Variants in CLP1 observed in about 807,000 individuals in gnomAD.
CLP1 encodes the protein polyribonucleotide 5'-hydroxyl-kinase Clp1.
Under a neutral mutation model 29.9 loss-of-function variants are expected in CLP1, and 18 were observed. That is an observed-to-expected ratio of 0.60 (90% CI 0.42 to 0.89). The LOEUF (loss-of-function observed/expected upper bound fraction) is 0.89, where lower values mean the gene tolerates loss of function less well. Ranked by LOEUF, CLP1 falls within the 40% of genes least tolerant of loss-of-function variation. CLP1 has a pLI of 0.00. For missense variants in CLP1, 357 were observed against 544.8 expected (o/e 0.66, Z 3.43); for synonymous variants, 162 against 206.2 (o/e 0.79, Z 1.84).
intron 1 of CLP1, among the ~76,000 whole-genome samples, chr11:57,659,064 T>A (rs1471963019): frequency 6.6e-6 from 1 of 151,532 alleles, no homozygotes; most frequent in East Asian, 1.9e-4. Flanking sequence ...CCTAAGCCAC[T>A]GTGCCTGGCC....
At position 57,661,737 on chromosome 11, in the gene CLP1, C is replaced by T. The variant is rs1945879187; in HGVS notation, c.*301C>T. The stretch of plus-strand genomic sequence containing the variant: ...TGCTACTATGTGGTTTTTAAAAAAT[C>T]AATGCTTTATATTCCATATGTGGTT... On this transcript the variant is annotated 3_prime_UTR_variant, in exon 3 of 3. Transcript: ENST00000533682. 1 of 323,296 alleles carries T rather than the reference C, an allele frequency of 3.1e-6. No individual in the cohort carries two copies. Among genetic ancestry groups the T allele is most frequent in the East Asian group, 4.8e-5 (1 of 20,984 alleles). 20.0% of individuals were successfully genotyped at this position (323,296 alleles called of 1,614,324 possible).
In CLP1 at chr11:57,661,664, G is replaced by T. The variant is rs1222289700; in HGVS notation, c.*228G>T. The T allele has an allele frequency of 3.8e-6, 2 of 527,166 alleles. No individual in the cohort carries two copies. Among genetic ancestry groups the T allele is most frequent in the Admixed American group, 3.6e-5 (1 of 27,892 alleles). The allele number at this position is 527,166 out of a possible 1,614,324, so 32.7% of individuals were successfully genotyped here. On this transcript the variant is annotated 3_prime_UTR_variant, in exon 3 of 3. Transcript: ENST00000533682. ...ATTGGTTTCTTAGACCACCTAAGAT[G>T]CCACTTTGAATTCTCTAAGACCCTG...
At position 57,657,789 on chromosome 11, in the gene CLP1, C is replaced by G. The variant is rs539087074; in HGVS notation, c.-94C>G. The G allele has an allele frequency of 1.3e-5, 2 of 152,680 alleles. No homozygotes were observed. Among genetic ancestry groups the G allele is most frequent in the Admixed American group, 6.5e-5 (1 of 15,352 alleles). 9.5% of individuals were successfully genotyped at this position (152,680 alleles called of 1,614,324 possible). A position where few individuals can be genotyped will look rare whatever the true frequency, so the allele number is the denominator to read the frequency against. On this transcript the variant is annotated 5_prime_UTR_variant, in exon 1 of 3. Coordinates refer to ENST00000533682, the MANE Select transcript of CLP1 (RefSeq NM_006831.3). ...TTCCGGCGTGGGTCCGGGCAAGAAC[C>G]GCTTGTAGTTTGGTTTAAATTCTGC...
rs768517900 is a variant in CLP1 at position 57,661,370 on chromosome 11, A to G, written c.1212A>G (p.Pro404=). The G allele has an allele frequency of 1.2e-6, 2 of 1,614,138 alleles. No homozygotes were observed. Among genetic ancestry groups the G allele is most frequent in the South Asian group, 1.1e-5 (1 of 91,072 alleles). Residue 404 remains proline (P), a synonymous_variant, in exon 3 of 3, where the codon CCA becomes CCG. Transcript: ENST00000533682. ...LEHQVFTVLS[P]APRPLPKNFL... is the part of the protein sequence containing the mutation. ...ATCAGGTGTTTACTGTTCTGTCTCC[A>G]GCCCCTCGCCCACTGCCTAAGAACT...
At position 57,661,395 on chromosome 11, in the gene CLP1, T is replaced by A. The variant is rs770307032; in HGVS notation, c.1237T>A (p.Phe413Ile). 1 of 1,613,640 alleles carries A rather than the reference T, an allele frequency of 6.2e-7. No homozygotes were observed. The highest frequency in any genetic ancestry group is 8.5e-7 in the Non-Finnish European group (1 of 1,179,792). Reference sequence around the variant, plus strand: ...AGCCCCTCGCCCACTGCCTAAGAACTTCCTTCTCATCATGGATATCCGGTT... The same window carrying A: ...AGCCCCTCGCCCACTGCCTAAGAACATCCTTCTCATCATGGATATCCGGTT... ...SPAPRPLPKNFLLIMDIRFMD... is the reference protein window; with the variant it reads ...SPAPRPLPKNILLIMDIRFMD... Residue 413 changes from phenylalanine to isoleucine, a missense_variant, in exon 3 of 3, where the codon TTC becomes ATC. Coordinates refer to ENST00000533682, the MANE Select transcript of CLP1 (RefSeq NM_006831.3).
Position 57,659,981 on chromosome 11 carries a change from G to C in CLP1, c.505G>C (p.Glu169Gln). ...IPGTMGALYI[E>Q]RPADVEEGFS... is the part of the protein sequence containing the mutation. ...TGGTACCATGGGGGCCCTCTACATC[G>C]AGCGGCCTGCAGATGTCGAAGAGGG... Residue 169 changes from glutamate (E) to glutamine (Q), a missense_variant, in exon 2 of 3, where the codon GAG becomes CAG. By Grantham distance (29) the Glu-to-Gln change is conservative (BLOSUM62 2). Coordinates refer to ENST00000533682, the MANE Select transcript of CLP1 (RefSeq NM_006831.3). The C allele has an allele frequency of 6.2e-7, 1 of 1,613,620 alleles. No individual in the cohort carries two copies. Among genetic ancestry groups the C allele is most frequent in the Non-Finnish European group, 8.5e-7 (1 of 1,179,806 alleles).
At chr11:57,660,622 C>G in intron 2 of CLP1, 143 bp from the exon 3 acceptor site, 1 of 683,164 alleles carries the variant, frequency 1.5e-6, no homozygotes, top group South Asian at 2.0e-5. Context: ...CCACTGCACT[C>G]CATCCTGGGC....
intron 1 of CLP1, among the ~76,000 whole-genome samples, chr11:57,659,040 G>T (rs1014267013): frequency 1.2e-4 from 18 of 151,762 alleles, no homozygotes; most frequent in African/African-American, 1.7e-4. Flanking sequence ...GCCCCAAAGT[G>T]CTGAAATTAC....
chr11:57,658,748 C>T (rs966790598), intron 1 of CLP1, among the ~76,000 whole-genome samples: 3 of 152,128 alleles, frequency 2.0e-5, no homozygotes, highest in Non-Finnish European at 1.5e-5. Flanking sequence ...AGCGATTCTC[C>T]TGACTCAGTC....
At position 57,659,437 on chromosome 11, in the gene CLP1, A is replaced by G. The variant is rs1232208112; in HGVS notation, c.-22-18A>G. ...AGACTGACTTATAATTAGATCTGAT[A>G]TTTAATTTGTGTTCTAGGCACAGCA... is the stretch of plus-strand genomic sequence containing the variant. On this transcript the variant is annotated intron_variant, in intron 1 of 2. Transcript: ENST00000533682. 1 of 1,608,754 alleles carries G rather than the reference A, an allele frequency of 6.2e-7. No individual in the cohort carries two copies. Among genetic ancestry groups the G allele is most frequent in the Admixed American group, 1.7e-5 (1 of 59,648 alleles).
chr11:57,659,192 T>G (rs1193933224), intron 1 of CLP1, among the ~76,000 whole-genome samples: 1 of 149,674 alleles, frequency 6.7e-6, no homozygotes, highest in Non-Finnish European at 1.5e-5. Context: ...CAAGCGATTC[T>G]CCTGCCTTGG....
At chr11:57,660,530 C>T (rs574893422) in intron 2 of CLP1, among the ~76,000 whole-genome samples, 1 of 152,272 alleles carries the variant, frequency 6.6e-6, no homozygotes, top group South Asian at 2.1e-4. Context: ...TGGCTGGTGC[C>T]TGTAATCCCA....
chr11:57,660,982 G>A lies in CLP1; in HGVS notation c.824G>A (p.Arg275His), dbSNP rs1163250089. 2 of 1,614,204 alleles carry A rather than the reference G, an allele frequency of 1.2e-6. No individual in the cohort carries two copies. The highest frequency in any genetic ancestry group is 1.7e-6 in the Non-Finnish European group (2 of 1,180,030). Reference protein sequence around the residue: ...ELKRDLPHFVRTVLLPKSGGV... With the variant: ...ELKRDLPHFVHTVLLPKSGGV... ...AAACGGGACCTCCCCCACTTTGTAC[G>A]CACTGTGCTGCTCCCTAAATCTGGG... The change falls in exon 3 of 3, where the codon CGC becomes CAC. Residue 275 changes from arginine to histidine, a missense_variant. Arg to His is a conservative substitution (Grantham distance 29, BLOSUM62 0). Coordinates refer to ENST00000533682, the MANE Select transcript of CLP1 (RefSeq NM_006831.3).
intron 1 of CLP1, 72 bp from the exon 2 acceptor site, chr11:57,659,383 C>T: frequency 6.9e-7 from 1 of 1,450,428 alleles, no homozygotes; most frequent in Non-Finnish European, 9.4e-7. Flanking sequence ...GCCACCATGC[C>T]TGGCCCCATT....
At position 57,661,374 on chromosome 11, in the gene CLP1, C is replaced by G. The variant is rs542357488; in HGVS notation, c.1216C>G (p.Pro406Ala). ...HQVFTVLSPA[P>A]RPLPKNFLLI... ...GGTGTTTACTGTTCTGTCTCCAGCC[C>G]CTCGCCCACTGCCTAAGAACTTCCT... Residue 406 changes from proline (P) to alanine (A), a missense_variant, in exon 3 of 3, where the codon CCT (proline) becomes GCT (alanine). By Grantham distance (27) the Pro-to-Ala change is conservative (BLOSUM62 -1). Coordinates refer to ENST00000533682, the MANE Select transcript of CLP1 (RefSeq NM_006831.3). The G allele has an allele frequency of 1.9e-6, 3 of 1,614,082 alleles. No homozygotes were observed. Among genetic ancestry groups the G allele is most frequent in the East Asian group, 4.5e-5 (2 of 44,878 alleles).
At chr11:57,659,393 T>G (rs526747) in intron 1 of CLP1, 62 bp from the exon 2 acceptor site, 1 of 1,509,518 alleles carries the variant, frequency 6.6e-7, no homozygotes, top group Non-Finnish European at 9.0e-7. Context: ...CTGGCCCCAT[T>G]GGATGTTTTT....
Position 57,659,520 on chromosome 11 carries a change from T to C in CLP1, c.44T>C (p.Phe15Ser). Residue 15 changes from phenylalanine to serine, a missense_variant, in exon 2 of 3, where the codon TTT becomes TCT. Physicochemically the swap from Phe to Ser is radical, Grantham distance 155. Transcript: ENST00000533682. ...ANDDKKPTTK[F>S]ELERETELRF... ...GATGACAAGAAGCCAACCACTAAAT[T>C]TGAACTAGAGCGAGAAACAGAACTT... 1 of 1,614,102 alleles carries C rather than the reference T, an allele frequency of 6.2e-7. No individual in the cohort carries two copies. The highest frequency in any genetic ancestry group is 1.1e-5 in the South Asian group (1 of 91,078).
chr11:57,659,457 A>T lies in CLP1; in HGVS notation c.-20A>T. 6.2e-7 allele frequency: 1 copy of T among 1,613,446 alleles called. No homozygotes were observed. The highest frequency in any genetic ancestry group is 1.1e-5 in the South Asian group (1 of 91,044). ...CTGATATTTAATTTGTGTTCTAGGC[A>T]CAGCAGCTACACAGAAGAGATGGGA... On this transcript the variant is annotated splice_region_variant and 5_prime_UTR_variant, in exon 2 of 3. Transcript: ENST00000533682.
At position 57,659,743 on chromosome 11, in the gene CLP1, T is replaced by C; in HGVS notation, c.267T>C (p.Pro89=). The part of the protein sequence containing the change: ...TEVAYVSKDT[P]MLLYLNTHTA... ...TGGCTTATGTCTCCAAGGACACTCC[T>C]ATGTTGCTTTACCTCAACACTCACA... is the stretch of plus-strand genomic sequence containing the variant. The change falls in exon 2 of 3, where the codon CCT becomes CCC. Residue 89 remains proline, a synonymous_variant. Coordinates refer to ENST00000533682, the MANE Select transcript of CLP1 (RefSeq NM_006831.3). 1.2e-6 allele frequency: 2 copies of C among 1,614,144 alleles called. No individual in the cohort carries two copies. The highest frequency in any genetic ancestry group is 1.7e-6 in the Non-Finnish European group (2 of 1,180,034).
Sources: gnomAD v4.1 joint callset for allele counts (sites outside exome capture counted in the v4.1 genomes callset) on GRCh38, gnomAD v4.1.1 for gene constraint, MANE v1.5 for transcripts, NCBI Gene and HGNC (gene_info 2026-07-23, HGNC 2026-07-21) for gene names.